Variants in SNX29 observed in about 807,000 individuals in gnomAD.
The protein encoded by SNX29 is sorting nexin 29, also known as sorting nexin-29.
In SNX29, 78 loss-of-function variants were observed where a neutral mutation model predicts 102.1. That is an observed-to-expected ratio of 0.76 (90% CI 0.64 to 0.92). The LOEUF (loss-of-function observed/expected upper bound fraction) is 0.92, where lower values mean the gene tolerates loss of function less well. Ranked by LOEUF, SNX29 falls within the 40% of genes least tolerant of loss-of-function variation. SNX29 has a pLI of 0.00. For missense variants in SNX29, 1,280 were observed against 1,061.7 expected, an observed-to-expected ratio of 1.21 and a Z score of -2.86; for synonymous variants, 580 against 414.5, an observed-to-expected ratio of 1.40 and a Z score of -4.85.
rs115643424 is a variant in SNX29 at position 12,350,860 on chromosome 16, C to T, written c.1783-5303C>T. ...TTTCAGGGGCCAAGACCCAGAAATC[C>T]GCATTTTTCAGAAGCCCTCCCAGTG... is the stretch of plus-strand genomic sequence containing the variant. On this transcript the variant is annotated intron_variant, in intron 15 of 20. Transcript: ENST00000566228. Among the ~76,000 whole-genome samples, 964 of 152,254 alleles carry T rather than the reference C, an allele frequency of 6.3e-3. 12 individuals carry two copies. The highest frequency in any genetic ancestry group is 0.022 in the African/African-American group (925 of 41,536).
chr16:12,201,023 G>A (rs2076902186), intron 14 of SNX29, among the ~76,000 whole-genome samples: 1 of 152,194 alleles, frequency 6.6e-6, no homozygotes, highest in Non-Finnish European at 1.5e-5. Flanking sequence ...GGCTTATTTA[G>A]TAATAGTATA....
intron 1 of SNX29, among the ~76,000 whole-genome samples, chr16:11,993,634 C>G (rs2055941542): frequency 6.6e-6 from 1 of 152,148 alleles, no homozygotes; most frequent in South Asian, 2.1e-4. Context: ...AAGTAACTTG[C>G]TCATGATCAC....
At chr16:12,554,117 C>T (rs771327550) in intron 20 of SNX29, among the ~76,000 whole-genome samples, 4 of 152,228 alleles carry the variant, frequency 2.6e-5, no homozygotes, top group Non-Finnish European at 2.9e-5. Flanking sequence ...TCTAAGCCAC[C>T]ATGCCCAGCC....
intron 20 of SNX29, among the ~76,000 whole-genome samples, chr16:12,567,500 A>G (rs2141558456): frequency 6.6e-6 from 1 of 152,264 alleles, no homozygotes; most frequent in East Asian, 1.9e-4. Flanking sequence ...GTGATTAAGG[A>G]TTGGCCAGGC....
At chr16:12,432,438 A>T (rs549908340) in intron 18 of SNX29, among the ~76,000 whole-genome samples, 3 of 152,320 alleles carry the variant, frequency 2.0e-5, no homozygotes, top group Non-Finnish European at 4.4e-5. Flanking sequence ...CACTTAGCCC[A>T]GGCTGGTATG....
intron 10 of SNX29, among the ~76,000 whole-genome samples, chr16:12,076,270 G>C (rs1003916836): frequency 9.2e-5 from 14 of 151,790 alleles, no homozygotes; most frequent in African/African-American, 3.4e-4. Flanking sequence ...CTGTAGACTG[G>C]AGCTGTTCCT....
chr16:12,511,474 A>G (rs2089616243), intron 19 of SNX29, among the ~76,000 whole-genome samples: 1 of 152,200 alleles, frequency 6.6e-6, no homozygotes, highest in Non-Finnish European at 1.5e-5. Context: ...GAATCTGGTG[A>G]TAAAGGTCCT....
chr16:12,211,213 C>G (rs1006422207), intron 14 of SNX29, among the ~76,000 whole-genome samples: 1 of 152,098 alleles, frequency 6.6e-6, no homozygotes, highest in African/African-American at 2.4e-5. Context: ...TACTTCAGGC[C>G]CAAGGAGACT....
At chr16:12,351,441 T>A (rs1447334609) in intron 15 of SNX29, among the ~76,000 whole-genome samples, 1 of 152,182 alleles carries the variant, frequency 6.6e-6, no homozygotes, top group East Asian at 1.9e-4. Flanking sequence ...CCTCAGTTGC[T>A]ATTGAAATTT....
intron 18 of SNX29, among the ~76,000 whole-genome samples, chr16:12,476,279 C>T (rs1246548858): frequency 8.6e-5 from 12 of 139,610 alleles, no homozygotes; most frequent in Admixed American, 8.1e-4. Context: ...GTGCCACTGC[C>T]CTCCAGCCTG....
intron 15 of SNX29, among the ~76,000 whole-genome samples, chr16:12,287,551 G>A (rs1035148050): frequency 5.3e-5 from 8 of 152,160 alleles, no homozygotes; most frequent in African/African-American, 1.2e-4. Context: ...AAAGCACAAC[G>A]TTGATTTCAC....
At chr16:12,382,813 C>G (rs2083219288) in intron 16 of SNX29, among the ~76,000 whole-genome samples, 1 of 152,088 alleles carries the variant, frequency 6.6e-6, no homozygotes, top group African/African-American at 2.4e-5. Flanking sequence ...ACACCAATCT[C>G]TGCCTTTGTC....
intron 14 of SNX29, among the ~76,000 whole-genome samples, chr16:12,274,655 G>A (rs919800100): frequency 6.6e-6 from 1 of 151,744 alleles, no homozygotes; most frequent in African/African-American, 2.4e-5. Context: ...TTCCACCTCA[G>A]CCTCCCGAGT....
At chr16:12,408,363 T>C (rs1435983593) in intron 18 of SNX29, among the ~76,000 whole-genome samples, 1 of 152,222 alleles carries the variant, frequency 6.6e-6, no homozygotes, top group African/African-American at 2.4e-5. Context: ...GCACACATTA[T>C]CCAGCAAGCC....
intron 13 of SNX29, among the ~76,000 whole-genome samples, chr16:12,151,947 C>G (rs557346530): frequency 6.6e-6 from 1 of 152,184 alleles, no homozygotes; most frequent in Non-Finnish European, 1.5e-5. Context: ...GTTGGCCAGA[C>G]TAGTCTGAAA....
chr16:12,410,683 T>G (rs1273233107), intron 18 of SNX29, among the ~76,000 whole-genome samples: 3 of 149,290 alleles, frequency 2.0e-5, no homozygotes, highest in African/African-American at 7.4e-5. Context: ...ATCTTCCCAC[T>G]TGGGCCTCCC....
At chr16:12,151,329 A>G (rs1000162031) in intron 13 of SNX29, among the ~76,000 whole-genome samples, 5 of 152,220 alleles carry the variant, frequency 3.3e-5, no homozygotes, top group African/African-American at 1.2e-4. Context: ...AAAATTAGCA[A>G]CAGTCTCTTA....
At chr16:12,340,761 G>A (rs973760606) in intron 15 of SNX29, among the ~76,000 whole-genome samples, 3 of 152,116 alleles carry the variant, frequency 2.0e-5, no homozygotes, top group East Asian at 1.9e-4. Context: ...TAGGTCACCC[G>A]GAGCATGTGG....
chr16:12,563,946 C>A (rs75832267), intron 20 of SNX29, among the ~76,000 whole-genome samples: 1,557 of 152,164 alleles, frequency 0.01, 26 homozygotes, highest in African/African-American at 0.036. Context: ...TGATCTTGTT[C>A]AAGAAAGACG....
Sources: gnomAD v4.1 joint callset for allele counts (sites outside exome capture counted in the v4.1 genomes callset) on GRCh38, gnomAD v4.1.1 for gene constraint, MANE v1.5 for transcripts, NCBI Gene and HGNC (gene_info 2026-07-23, HGNC 2026-07-21) for gene names.